IL1RAPL1: variants seen among roughly 807,000 people sequenced by gnomAD.
IL1RAPL1 encodes interleukin 1 receptor accessory protein like 1, also known as interleukin-1 receptor accessory protein-like 1.
In IL1RAPL1, 3 loss-of-function variants were observed where a neutral mutation model predicts 48.4. That is an observed-to-expected ratio of 0.06 (90% confidence interval 0.03 to 0.16). The LOEUF (loss-of-function observed/expected upper bound fraction) is 0.16, where lower values mean the gene tolerates loss of function less well. Among genes scored for constraint, IL1RAPL1 ranks in the 10% least tolerant of loss-of-function variants. IL1RAPL1 has a pLI of 1.00. For missense variants in IL1RAPL1, 349 were observed against 530.6 expected (o/e 0.66, Z 3.36); for synonymous variants, 185 against 187.7 (o/e 0.99, Z 0.12).
At chrX:28,712,590 T>C (rs1024155693) in intron 1 of IL1RAPL1, among the ~76,000 whole-genome samples, 2 of 111,773 alleles carry the variant, frequency 1.8e-5, no homozygotes, top group African/African-American at 6.5e-5. Flanking sequence ...ATTGGATGTC[T>C]TGAAGAAGAG....
At chrX:29,937,613 A>C (rs1234669087) in intron 8 of IL1RAPL1, among the ~76,000 whole-genome samples, 3 of 112,213 alleles carry the variant, frequency 2.7e-5, no homozygotes, top group Non-Finnish European at 5.6e-5. Flanking sequence ...AATAGAAAAA[A>C]AATTTAACTT....
At chrX:29,885,158 CTGCCTGCAATGAA>C (rs1406864222) in intron 6 of IL1RAPL1, among the ~76,000 whole-genome samples, 2 of 111,863 alleles carry the variant, frequency 1.8e-5, no homozygotes, top group African/African-American at 3.2e-5. Flanking sequence ...TTTGTACTCA[CTGCCTGCAATGAA>C]TGCCTGCAAT....
intron 6 of IL1RAPL1, among the ~76,000 whole-genome samples, chrX:29,768,337 T>C (rs2147149709): frequency 8.9e-6 from 1 of 112,013 alleles, no homozygotes; most frequent in African/African-American, 3.2e-5. Context: ...TGAAAGTGAA[T>C]GCACAATGAG....
intron 2 of IL1RAPL1, among the ~76,000 whole-genome samples, chrX:29,176,065 G>A (rs1464679651): frequency 9.5e-6 from 1 of 105,219 alleles, no homozygotes; most frequent in African/African-American, 3.5e-5. Flanking sequence ...CGTAGGTCTG[G>A]GGTAGAGTTT....
intron 2 of IL1RAPL1, among the ~76,000 whole-genome samples, chrX:28,873,708 T>G (rs1223123948): frequency 1.9e-5 from 2 of 107,285 alleles, no homozygotes; most frequent in African/African-American, 6.8e-5. Context: ...ATTTTTTGTA[T>G]TTTTAGTAGA....
rs777854715 is a variant in IL1RAPL1, at chrX:28,848,180, G to T, written c.82+58755G>T. Among the ~76,000 whole-genome samples the T allele has an allele frequency of 5.4e-5, 6 of 111,019 alleles. No individual in the cohort carries two copies. In the South Asian group the frequency reaches 2.3e-3, roughly 43 times the overall value. On this transcript the variant is annotated intron_variant, in intron 2 of 10. Transcript: ENST00000378993. ...GACCTGTCGGGGATGGGGGGAAAGG[G>T]GAGGGAGAGCATTAGGACAAATACC...
intron 2 of IL1RAPL1, among the ~76,000 whole-genome samples, chrX:29,182,589 T>TC (rs200824353): frequency 1.8e-5 from 2 of 110,269 alleles, no homozygotes; most frequent in Non-Finnish European, 3.8e-5. Flanking sequence ...TTTTTTTTTT[T>TC]CACCTTTGTC....
chrX:29,306,054 T>C (rs1338558985), intron 3 of IL1RAPL1, among the ~76,000 whole-genome samples: 1 of 111,453 alleles, frequency 9.0e-6, no homozygotes, highest in Non-Finnish European at 1.9e-5. Context: ...TTGGGGGTGA[T>C]GGGAAACCCA....
At chrX:28,670,309 G>T (rs1202967690) in intron 1 of IL1RAPL1, among the ~76,000 whole-genome samples, 4 of 111,900 alleles carry the variant, frequency 3.6e-5, no homozygotes, top group African/African-American at 9.7e-5. Context: ...TTGTGATTTT[G>T]TCTGGATAGT....
chrX:29,349,805 G>T (rs886521706), intron 3 of IL1RAPL1, among the ~76,000 whole-genome samples: 1 of 109,929 alleles, frequency 9.1e-6, no homozygotes, highest in African/African-American at 3.3e-5. Context: ...GTAACGCAGG[G>T]AGTGTAAATG....
chrX:29,568,737 A>G (rs1441046721), intron 5 of IL1RAPL1, among the ~76,000 whole-genome samples: 1 of 111,585 alleles, frequency 9.0e-6, no homozygotes, highest in East Asian at 2.8e-4. Flanking sequence ...GGGTAATTTC[A>G]TAGGATTGAA....
intron 1 of IL1RAPL1, among the ~76,000 whole-genome samples, chrX:28,669,120 G>A (rs992711786): frequency 9.0e-6 from 1 of 110,727 alleles, no homozygotes; most frequent in Non-Finnish European, 1.9e-5. Flanking sequence ...TACTTTATCC[G>A]TGTTTTAGAT....
intron 5 of IL1RAPL1, among the ~76,000 whole-genome samples, chrX:29,605,517 C>G (rs1284895740): frequency 9.1e-6 from 1 of 110,246 alleles, no homozygotes; most frequent in Admixed American, 9.7e-5. Flanking sequence ...AGCGGGAATC[C>G]TTAAGATTAA....
chrX:29,044,698 G>T (rs1391326806), intron 2 of IL1RAPL1, among the ~76,000 whole-genome samples: 1 of 110,825 alleles, frequency 9.0e-6, no homozygotes, highest in Non-Finnish European at 1.9e-5. Context: ...ATGCTAGGGG[G>T]CTAGGTGGGC....
intron 1 of IL1RAPL1, among the ~76,000 whole-genome samples, chrX:28,753,042 C>T (rs745548196): frequency 2.1e-4 from 23 of 111,877 alleles, no homozygotes; most frequent in East Asian, 1.4e-3. Context: ...CAAACTATGA[C>T]GCAGAAACGA....
In IL1RAPL1 at chrX:28,927,978, A is replaced by G. The variant is rs751118260; in HGVS notation, c.82+138553A>G. Among the ~76,000 whole-genome samples, 5 of 110,692 alleles carry G rather than the reference A, an allele frequency of 4.5e-5. No individual in the cohort carries two copies. In the South Asian group the frequency reaches 1.9e-3, roughly 42 times the overall value. The stretch of plus-strand genomic sequence containing the variant: ...AATTCTAACTTATCTCGTGAACATG[A>G]GGCTTTTTTCCCCTCAAACAGCTTA... On this transcript the variant is annotated intron_variant, in intron 2 of 10. Coordinates refer to ENST00000378993, the MANE Select transcript of IL1RAPL1 (RefSeq NM_014271.4).
intron 6 of IL1RAPL1, among the ~76,000 whole-genome samples, chrX:29,693,667 G>C (rs1338110452): frequency 1.8e-5 from 2 of 112,304 alleles, no homozygotes; most frequent in East Asian, 5.6e-4. Context: ...AAAGTGAGCA[G>C]TGTCATGTTT....
intron 1 of IL1RAPL1, among the ~76,000 whole-genome samples, chrX:28,765,095 T>C (rs780479227): frequency 1.7e-4 from 17 of 102,443 alleles, no homozygotes; most frequent in African/African-American, 5.8e-4. Context: ...TAGGTGGGAA[T>C]TGAACAATGA....
chrX:29,677,902 C>A (rs1045591952), intron 6 of IL1RAPL1, among the ~76,000 whole-genome samples: 4 of 111,647 alleles, frequency 3.6e-5, no homozygotes, highest in Non-Finnish European at 5.6e-5. Context: ...ATGCTTTGAA[C>A]GCCATCCTAC....
Sources: allele counts gnomAD v4.1 joint callset (sites outside exome capture counted in the v4.1 genomes callset), GRCh38; gene constraint gnomAD v4.1.1; transcripts MANE v1.5; gene names NCBI Gene and HGNC (gene_info 2026-07-23, HGNC 2026-07-21).